Variants in LGR5 observed in about 807,000 individuals in gnomAD.
LGR5 encodes leucine-rich repeat-containing G protein-coupled receptor 5.
In LGR5, 54 loss-of-function variants were observed where a neutral mutation model predicts 76.7. That is an observed-to-expected ratio of 0.70 (90% CI 0.57 to 0.88). The LOEUF (loss-of-function observed/expected upper bound fraction) is 0.88, where lower values mean the gene tolerates loss of function less well. Ranked by LOEUF, LGR5 falls within the 40% of genes least tolerant of loss-of-function variation. LGR5 has a pLI of 0.00. For missense variants in LGR5, 1,078 were observed against 1,073.3 expected (o/e 1.00, Z -0.06); for synonymous variants, 406 against 421.9 (o/e 0.96, Z 0.46).
At chr12:71,493,943 AT>A (rs547681278) in intron 1 of LGR5, among the ~76,000 whole-genome samples, 1,554 of 116,552 alleles carry the variant, frequency 0.013, 34 homozygotes, top group African/African-American at 0.035. Context: ...TAATTTTTTG[AT>A]TTTTTTTTTT....
At chr12:71,526,500 C>T (rs1035999078) in intron 3 of LGR5, among the ~76,000 whole-genome samples, 3 of 152,118 alleles carry the variant, frequency 2.0e-5, no homozygotes, top group African/African-American at 2.4e-5. Flanking sequence ...TGTTTCCTGT[C>T]TCCTGTACAG....
intron 14 of LGR5, 54 bp from the exon 15 acceptor site, chr12:71,578,750 A>G: frequency 6.7e-7 from 1 of 1,499,280 alleles, no homozygotes; most frequent in Non-Finnish European, 8.9e-7. Context: ...TTTTTAACAT[A>G]AACGTTTTAT....
At chr12:71,555,468 A>G (rs1222420848) in intron 5 of LGR5, among the ~76,000 whole-genome samples, 1 of 152,222 alleles carries the variant, frequency 6.6e-6, no homozygotes, top group Non-Finnish European at 1.5e-5. Context: ...TGATAATTAT[A>G]TACACTAATA....
intron 7 of LGR5, among the ~76,000 whole-genome samples, chr12:71,561,490 C>A (rs545831790): frequency 1.3e-5 from 2 of 152,300 alleles, no homozygotes; most frequent in East Asian, 3.9e-4. Flanking sequence ...TACAATGATG[C>A]TCTATTGGAT....
chr12:71,521,587 G>A (rs1311389879), intron 2 of LGR5, among the ~76,000 whole-genome samples: 1 of 152,174 alleles, frequency 6.6e-6, no homozygotes, highest in Non-Finnish European at 1.5e-5. Context: ...TCACAGTTGA[G>A]TTTAGTCACT....
intron 8 of LGR5, 142 bp from the exon 9 acceptor site, chr12:71,566,262 A>G (rs1878334662): frequency 1.6e-6 from 1 of 626,500 alleles, no homozygotes; most frequent in Non-Finnish European, 2.8e-6. Flanking sequence ...GCTTGCCTGA[A>G]ACCAAGGAAT....
intron 11 of LGR5, chr12:71,571,231 ATAGC>A (rs1453017214): frequency 2.6e-5 from 6 of 232,426 alleles, no homozygotes; most frequent in Middle Eastern, 1.4e-3. Context: ...CAGTAAGATA[ATAGC>A]TAGAGCATTT....
In LGR5 at chr12:71,486,362, G is replaced by C. The variant is rs931952878; in HGVS notation, c.213-18252G>C. ...ACAGCAATCGTTTGACATGTGAGTG[G>C]CTGTTAAAAAATATTAAAAACCTGT... On this transcript the variant is annotated intron_variant, in intron 1 of 17. Transcript: ENST00000266674. 2.0e-5 allele frequency among the ~76,000 whole-genome samples: 3 copies of C among 152,248 alleles called. 1 individual carries two copies. In the South Asian group the frequency reaches 6.2e-4, roughly 32 times the overall value.
At chr12:71,530,789 C>A (rs1484139744) in intron 3 of LGR5, among the ~76,000 whole-genome samples, 1 of 152,018 alleles carries the variant, frequency 6.6e-6, no homozygotes, top group Non-Finnish European at 1.5e-5. Flanking sequence ...TAAAACTAAC[C>A]ATAGAAAAGT....
intron 2 of LGR5, among the ~76,000 whole-genome samples, chr12:71,515,176 G>T (rs7315282): frequency 6.6e-6 from 1 of 152,124 alleles, no homozygotes; most frequent in Admixed American, 6.5e-5. Context: ...TCTAATTCTT[G>T]ATATGACTCA....
At position 71,524,402 on chromosome 12, in the gene LGR5, A is replaced by G; in HGVS notation, c.285-4A>G. On this transcript the variant is annotated splice_region_variant and splice_polypyrimidine_tract_variant and intron_variant, in intron 2 of 17. Transcript: ENST00000266674. ...CTCTCTCTCCTCTCCATTGAAACCC[A>G]CAGACGTCTTGCGGGAAACGCTCTG... 1.2e-6 allele frequency: 2 copies of G among 1,610,426 alleles called. No homozygotes were observed. The highest frequency in any genetic ancestry group is 1.7e-6 in the Non-Finnish European group (2 of 1,177,340).
chr12:71,560,296 G>A (rs1167268120), intron 7 of LGR5, among the ~76,000 whole-genome samples: 3 of 152,062 alleles, frequency 2.0e-5, no homozygotes, highest in African/African-American at 7.2e-5. Flanking sequence ...TTATAATAAA[G>A]TAAGCTAGAG....
chr12:71,546,505 A>G (rs1290256), intron 4 of LGR5, among the ~76,000 whole-genome samples: 45,766 of 151,776 alleles, frequency 0.3, 7,799 homozygotes, highest in Middle Eastern at 0.39. Flanking sequence ...AGAATGCTGA[A>G]TCACCATAGC....
At chr12:71,492,397 A>G (rs1261216006) in intron 1 of LGR5, among the ~76,000 whole-genome samples, 1 of 152,180 alleles carries the variant, frequency 6.6e-6, no homozygotes, top group Non-Finnish European at 1.5e-5. Flanking sequence ...TGGTTTAGAC[A>G]TAGGAATTCT....
chr12:71,510,109 T>C (rs1000362035), intron 2 of LGR5, among the ~76,000 whole-genome samples: 2 of 152,208 alleles, frequency 1.3e-5, no homozygotes, highest in African/African-American at 4.8e-5. Flanking sequence ...TTTGGTAAAC[T>C]ATAATCCACA....
rs770723416 is a variant in LGR5 at position 71,556,694 on chromosome 12, A to C, written c.716+4A>C. ...GGCTCCACAGCCTAGAGACTTTGTG[A>C]GTTGACCTTTTATTTGTTTCCCTTT... On this transcript the variant is annotated splice_donor_region_variant and intron_variant, in intron 6 of 17. Coordinates refer to ENST00000266674, the MANE Select transcript of LGR5 (RefSeq NM_003667.4). 6.2e-7 allele frequency: 1 copy of C among 1,600,036 alleles called. No individual in the cohort carries two copies. Among genetic ancestry groups the C allele is most frequent in the Admixed American group, 1.7e-5 (1 of 59,994 alleles).
At chr12:71,462,118 A>G (rs994566263) in intron 1 of LGR5, among the ~76,000 whole-genome samples, 1 of 152,126 alleles carries the variant, frequency 6.6e-6, no homozygotes, top group Non-Finnish European at 1.5e-5. Flanking sequence ...TCTAAATTGA[A>G]TGCTGATCGT....
chr12:71,482,685 A>G (rs931731295), intron 1 of LGR5, among the ~76,000 whole-genome samples: 4 of 152,196 alleles, frequency 2.6e-5, no homozygotes, highest in African/African-American at 7.2e-5. Flanking sequence ...GGGTAGAGCC[A>G]GGGAGGCTGC....
chr12:71,553,068 C>T lies in LGR5; in HGVS notation c.429-5C>T. The T allele has an allele frequency of 6.2e-7, 1 of 1,613,554 alleles. No homozygotes were observed. The highest frequency in any genetic ancestry group is 8.5e-7 in the Non-Finnish European group (1 of 1,179,682). On this transcript the variant is annotated splice_region_variant and splice_polypyrimidine_tract_variant and intron_variant, in intron 4 of 17. Transcript: ENST00000266674. ...TTTTCCATTCTTGCTTTCTTTCTTCCACAGGCGTCTGGATGCTAACCACAT... is the reference window on the plus strand; with the variant it reads ...TTTTCCATTCTTGCTTTCTTTCTTCTACAGGCGTCTGGATGCTAACCACAT...
Sources: allele counts gnomAD v4.1 joint callset (sites outside exome capture counted in the v4.1 genomes callset), GRCh38; gene constraint gnomAD v4.1.1; transcripts MANE v1.5; gene names NCBI Gene and HGNC (gene_info 2026-07-23, HGNC 2026-07-21).